MBP: variants seen among roughly 807,000 people sequenced by gnomAD.
MBP encodes the protein myelin basic protein.
MBP carries 16 observed loss-of-function variants against 35.8 expected under a neutral mutation model. That is an observed-to-expected ratio of 0.45 (90% CI 0.30 to 0.68). The LOEUF is 0.68. Ranked by LOEUF, MBP falls within the 30% of genes least tolerant of loss-of-function variation. The pLI, the probability that MBP is intolerant of heterozygous loss-of-function variation, is 0.08. For missense variants in MBP, 380 were observed against 404.7 expected (o/e 0.94, Z 0.52); for synonymous variants, 143 against 159.6 (o/e 0.90, Z 0.78).
At chr18:77,097,145 C>T (rs1015550930) in intron 2 of MBP, 1 of 152,410 alleles carries the variant, frequency 6.6e-6, no homozygotes, top group Non-Finnish European at 1.5e-5. Context: ...GTGAGCCCCC[C>T]ACTGTGGGCC....
In MBP at chr18:77,020,425, G is replaced by A. The variant is rs1354983222; in HGVS notation, c.140-3157C>T. ...TTTCAGTAACTGCCCTGGGGTCCCC[G>A]TGACCCCTCCAGTTTCCCTGACTTG... On this transcript the variant is annotated intron_variant, in intron 3 of 8. Transcript: ENST00000355994. The surrounding 1 kb of genome is among the most constrained non-coding windows in gnomAD (Gnocchi z 4.1). Among the ~76,000 whole-genome samples the A allele has an allele frequency of 3.3e-5, 5 of 152,160 alleles. No individual in the cohort carries two copies. Among genetic ancestry groups the A allele is most frequent in the African/African-American group, 7.2e-5 (3 of 41,424 alleles).
rs138625947 is a variant in MBP at position 77,117,873 on chromosome 18, A to T, written c.-25-12587T>A. On this transcript the variant is annotated intron_variant, in intron 1 of 8. Coordinates refer to ENST00000355994, the MANE Select transcript of MBP (RefSeq NM_001025101.2). ...GGGATGGGTTGGAGTGGGACAGGGGACAGTGGGTTGGAGTGGGAGGGGGGA... is the reference window on the plus strand; with the variant it reads ...GGGATGGGTTGGAGTGGGACAGGGGTCAGTGGGTTGGAGTGGGAGGGGGGA... Among the ~76,000 whole-genome samples, 37 of 47,318 alleles carry T rather than the reference A, an allele frequency of 7.8e-4. 1 individual carries two copies. Among genetic ancestry groups the T allele is most frequent in the East Asian group, 3.2e-3 (4 of 1,232 alleles). The allele number at this position is 47,318 out of a possible 152,430, so 31.0% of individuals were successfully genotyped here.
chr18:77,034,930 G>A (rs1972696376), intron 3 of MBP, among the ~76,000 whole-genome samples: 1 of 152,186 alleles, frequency 6.6e-6, no homozygotes. Context: ...TGTGCTGCAT[G>A]ATGTCAAAAG....
intron 3 of MBP, among the ~76,000 whole-genome samples, chr18:77,057,622 A>G (rs1973775328): frequency 1.3e-5 from 2 of 152,212 alleles, no homozygotes; most frequent in African/African-American, 2.4e-5. Flanking sequence ...TTTACATCGG[A>G]AATGACAGCT....
chr18:76,985,322 G>A, intron 7 of MBP: 2 of 1,293,872 alleles, frequency 1.5e-6, no homozygotes, highest in East Asian at 1.1e-4. Context: ...CGCTGTGTAG[G>A]TGCCGGTCCC....
At chr18:77,127,026 C>T (rs978764457) in intron 1 of MBP, among the ~76,000 whole-genome samples, 22 of 152,110 alleles carry the variant, frequency 1.4e-4, no homozygotes, top group Admixed American at 1.2e-3. Context: ...CCCATAAACG[C>T]GCTATTCTAA....
intron 3 of MBP, among the ~76,000 whole-genome samples, chr18:77,058,874 G>A (rs538698500): frequency 1.1e-4 from 16 of 152,278 alleles, no homozygotes; most frequent in African/African-American, 3.6e-4. Flanking sequence ...AAAGTTTACC[G>A]TTTCCAAATG....
In MBP at chr18:76,988,962, G is replaced by C; in HGVS notation, c.682-50C>G. 1 of 1,585,488 alleles carries C rather than the reference G, an allele frequency of 6.3e-7. No homozygotes were observed. Among genetic ancestry groups the C allele is most frequent in the Non-Finnish European group, 8.7e-7 (1 of 1,154,048 alleles). On this transcript the variant is annotated intron_variant, in intron 5 of 8. Transcript: ENST00000355994. The surrounding 1 kb of genome is among the most constrained non-coding windows in gnomAD (Gnocchi z 5.2). ...GCTGCACTGGGAGCCCTGTGCCGCC[G>C]TCCATTTCCTAACGGGCTCCTGCCT...
At position 77,047,983 on chromosome 18, in the gene MBP, C is replaced by CAAAT. The variant is rs559045112; in HGVS notation, c.139+18311_139+18314dup. Among the ~76,000 whole-genome samples, 52 of 152,274 alleles carry CAAAT rather than the reference C, an allele frequency of 3.4e-4. No individual in the cohort carries two copies. The South Asian group carries it at 9.9e-3, about 29-fold the overall frequency. ...ACCAATTCACCCCAAAGCTAGAAATCAAATAATTTTCAACAATGTGATGAT... is the reference window on the plus strand; with the variant it reads ...ACCAATTCACCCCAAAGCTAGAAATCAAATAAATAATTTTCAACAATGTGATGAT... On this transcript the variant is annotated intron_variant, in intron 3 of 8. Coordinates refer to ENST00000355994, the MANE Select transcript of MBP (RefSeq NM_001025101.2).
chr18:77,033,707 C>G (rs1173245888), intron 3 of MBP, among the ~76,000 whole-genome samples: 1 of 151,936 alleles, frequency 6.6e-6, no homozygotes, highest in African/African-American at 2.4e-5. Context: ...ATCCACCCAT[C>G]CATTCACCCA....
At position 77,020,730 on chromosome 18, in the gene MBP, G is replaced by A. The variant is rs977970468; in HGVS notation, c.140-3462C>T. Among the ~76,000 whole-genome samples, 2 of 152,210 alleles carry A rather than the reference G, an allele frequency of 1.3e-5. No homozygotes were observed. The highest frequency in any genetic ancestry group is 2.9e-5 in the Non-Finnish European group (2 of 68,042). ...AAAGGCGCTGTTCTGCACAGACCAT[G>A]TGGTGCTCACAGCTGTTCCGGCACA... On this transcript the variant is annotated intron_variant, in intron 3 of 8. Coordinates refer to ENST00000355994, the MANE Select transcript of MBP (RefSeq NM_001025101.2). This position sits in a 1 kb window ranked among gnomAD's most constrained non-coding sequence, Gnocchi z 4.1.
chr18:77,072,758 C>A (rs1974502668), intron 2 of MBP, among the ~76,000 whole-genome samples: 2 of 152,222 alleles, frequency 1.3e-5, no homozygotes, highest in South Asian at 4.1e-4. Context: ...GTGCCGCCCG[C>A]AGCGCAGTTA....
At position 77,101,060 on chromosome 18, in the gene MBP, C is replaced by T. The variant is rs1599247116; in HGVS notation, c.51+4151G>A. 6.6e-6 allele frequency among the ~76,000 whole-genome samples: 1 copy of T among 152,256 alleles called. No individual in the cohort carries two copies. The highest frequency in any genetic ancestry group is 1.5e-5 in the Non-Finnish European group (1 of 68,048). On this transcript the variant is annotated intron_variant, in intron 2 of 8. Transcript: ENST00000355994. This position sits in a 1 kb window ranked among gnomAD's most constrained non-coding sequence, Gnocchi z 4.3. Reference sequence around the variant, plus strand: ...AACTGCCCAGCCCCTTTGATTCACACTGCCAAAAAGGAATGAATTCCTCCA... The same window carrying T: ...AACTGCCCAGCCCCTTTGATTCACATTGCCAAAAAGGAATGAATTCCTCCA...
intron 2 of MBP, among the ~76,000 whole-genome samples, chr18:77,072,710 C>G (rs1223775455): frequency 6.6e-6 from 1 of 152,214 alleles, no homozygotes; most frequent in Non-Finnish European, 1.5e-5. Flanking sequence ...GGCTCTGGCC[C>G]AGGACTCCTG....
rs555629128 is a variant in MBP, at chr18:77,028,775, G to T, written c.140-11507C>A. 2.9e-5 allele frequency among the ~76,000 whole-genome samples: 3 copies of T among 103,576 alleles called. 1 individual carries two copies. Among genetic ancestry groups the T allele is most frequent in the East Asian group, 2.8e-4 (1 of 3,606 alleles). 67.9% of individuals were successfully genotyped at this position (103,576 alleles called of 152,430 possible). The stretch of plus-strand genomic sequence containing the variant: ...TGATCCCCCCACCTCCCTCCCGGAC[G>T]GGGTGGCTGCTGGGCGGAGGGACTC... On this transcript the variant is annotated intron_variant, in intron 3 of 8. Transcript: ENST00000355994.
intron 4 of MBP, among the ~76,000 whole-genome samples, chr18:77,011,783 C>A (rs1233967130): frequency 6.6e-6 from 1 of 152,198 alleles, no homozygotes; most frequent in East Asian, 1.9e-4. Context: ...GATTTCAGAG[C>A]ATTAAGAGTG....
chr18:77,017,958 G>A (rs933902344), intron 3 of MBP, among the ~76,000 whole-genome samples: 11 of 152,196 alleles, frequency 7.2e-5, no homozygotes, highest in Non-Finnish European at 1.2e-4. Context: ...TTTCTGTCAC[G>A]AAGGGCAATG....
intron 1 of MBP, chr18:77,114,023 T>A (rs993959732): frequency 2.0e-5 from 3 of 152,214 alleles, no homozygotes; most frequent in Non-Finnish European, 4.4e-5. Context: ...AACAAAGAGT[T>A]CCAAAAACCC....
intron 3 of MBP, among the ~76,000 whole-genome samples, chr18:77,049,841 G>A (rs1337995398): frequency 6.6e-6 from 1 of 151,682 alleles, no homozygotes; most frequent in East Asian, 1.9e-4. Context: ...CACGACACCC[G>A]GCTAATTTTT....
Sources: gnomAD v4.1 joint callset for allele counts (sites outside exome capture counted in the v4.1 genomes callset) on GRCh38, gnomAD v4.1.1 for gene constraint, Gnocchi (gnomAD v3.1) non-coding constraint, MANE v1.5 for transcripts, NCBI Gene and HGNC (gene_info 2026-07-23, HGNC 2026-07-21) for gene names.